The following BRAF variants were observed in gnomAD, a reference collection of about 807,000 sequenced individuals.
The protein encoded by BRAF is B-Raf proto-oncogene, serine/threonine kinase, also known as serine/threonine-protein kinase B-raf.
BRAF carries 16 observed loss-of-function variants against 104.6 expected under a neutral mutation model. The observed-to-expected ratio is 0.15, with a 90% CI of 0.10 to 0.23. The LOEUF is 0.23. Among genes scored for constraint, BRAF ranks in the 10% least tolerant of loss-of-function variants. BRAF has a pLI of 1.00. For synonymous variants in BRAF, 310 were observed against 341.6 expected (o/e 0.91, Z 1.02); for missense variants, 541 against 937.3 (o/e 0.58, Z 5.52).
At chr7:140,819,491 G>A (rs1159525468) in intron 3 of BRAF, among the ~76,000 whole-genome samples, 2 of 152,142 alleles carry the variant, frequency 1.3e-5, no homozygotes. Flanking sequence ...GGTTACTAGA[G>A]GCACAAATGA....
At chr7:140,804,572 C>A (rs1400072101) in intron 5 of BRAF, among the ~76,000 whole-genome samples, 3 of 152,062 alleles carry the variant, frequency 2.0e-5, no homozygotes, top group Non-Finnish European at 4.4e-5. Flanking sequence ...AGCTGCCCAC[C>A]TTAGCCTCCC....
Position 140,810,752 on chromosome 7 carries a change from A to G in BRAF, c.505-1757T>C, listed in dbSNP as rs1187057171. Among the ~76,000 whole-genome samples the G allele has an allele frequency of 3.3e-5, 5 of 152,194 alleles. No homozygotes were observed. In the East Asian group the frequency reaches 9.6e-4, roughly 29 times the overall value. The stretch of plus-strand genomic sequence containing the variant: ...AAATTTATTTGTAACTCTAAAGTCA[A>G]TACTCTTAGTGCTTTCATAGACATG... On this transcript the variant is annotated intron_variant, in intron 3 of 19. Coordinates refer to ENST00000644969, the MANE Select transcript of BRAF (RefSeq NM_001374258.1).
At chr7:140,851,165 T>C (rs1013382425) in intron 1 of BRAF, among the ~76,000 whole-genome samples, 2 of 152,174 alleles carry the variant, frequency 1.3e-5, no homozygotes, top group Non-Finnish European at 2.9e-5. Flanking sequence ...CATATATTAG[T>C]ATATCTGTTT....
At chr7:140,869,287 CTTAA>C (rs1811305165) in intron 1 of BRAF, among the ~76,000 whole-genome samples, 2 of 152,100 alleles carry the variant, frequency 1.3e-5, no homozygotes, top group African/African-American at 4.8e-5. Context: ...CCATCCCCTT[CTTAA>C]CATCTTTGAA....
intron 2 of BRAF, chr7:140,835,825 C>G: frequency 6.6e-6 from 1 of 152,272 alleles, no homozygotes; most frequent in South Asian, 2.1e-4. Context: ...CTATTTCTAC[C>G]TACCATCTCA....
chr7:140,762,603 GTTTTTTT>G (rs774057622), intron 14 of BRAF, among the ~76,000 whole-genome samples: 2 of 96,210 alleles, frequency 2.1e-5, no homozygotes, highest in African/African-American at 3.5e-5. Context: ...TCCAGGAGCT[GTTTTTTT>G]TTTTTTTTTT....
intron 14 of BRAF, among the ~76,000 whole-genome samples, chr7:140,772,290 A>AACG (rs2129015325): frequency 6.6e-6 from 1 of 151,496 alleles, no homozygotes; most frequent in African/African-American, 2.4e-5. Context: ...CAACAACAAC[A>AACG]ACAACAACAA....
At chr7:140,807,599 C>A (rs1459448394) in intron 5 of BRAF, among the ~76,000 whole-genome samples, 5 of 152,026 alleles carry the variant, frequency 3.3e-5, no homozygotes, top group Non-Finnish European at 7.4e-5. Context: ...CTTACAGGTA[C>A]AAGCACACGT....
At position 140,719,625 on chromosome 7, in the gene BRAF, A is replaced by G. The variant is rs1444425255; in HGVS notation, c.*6869T>C. 2.8e-6 allele frequency: 3 copies of G among 1,063,282 alleles called. No individual in the cohort carries two copies. In the South Asian group the frequency reaches 1.4e-4, roughly 48 times the overall value. 65.9% of individuals were successfully genotyped at this position (1,063,282 alleles called of 1,614,324 possible). On this transcript the variant is annotated 3_prime_UTR_variant, in exon 20 of 20. Transcript: ENST00000644969. The stretch of plus-strand genomic sequence containing the variant: ...AGTGGGTATGGGGGAGAATTAAAAA[A>G]AATAATAAAAGATTCAAGCAAACAT...
Position 140,898,783 on chromosome 7 carries a change from T to C in BRAF, c.138+25783A>G, listed in dbSNP as rs533400976. On this transcript the variant is annotated intron_variant, in intron 1 of 19. Coordinates refer to ENST00000644969, the MANE Select transcript of BRAF (RefSeq NM_001374258.1). ...ATTTTTCTTATAATTCTAGTATCTC[T>C]ACTTATAATTCTAGTACCTATATTT... 8.7e-4 allele frequency among the ~76,000 whole-genome samples: 133 copies of C among 152,336 alleles called. 1 individual carries two copies. The highest frequency in any genetic ancestry group is 3.1e-3 in the African/African-American group (129 of 41,576).
chr7:140,798,559 CTTTTTTT>C (rs1033928919), intron 7 of BRAF, among the ~76,000 whole-genome samples: 1 of 125,344 alleles, frequency 8.0e-6, no homozygotes, highest in Non-Finnish European at 1.7e-5. Flanking sequence ...CGCGCCCGGC[CTTTTTTT>C]TTTTTTTTTT....
rs377522944 is a variant in BRAF, at chr7:140,823,017, T to A, written c.504+11592A>T. ...AAAAATTTTTTTTGTAGACATGGGG[T>A]CTCACTATGTTGCCCTGGCTGGTAT... On this transcript the variant is annotated intron_variant, in intron 3 of 19. Coordinates refer to ENST00000644969, the MANE Select transcript of BRAF (RefSeq NM_001374258.1). Among the ~76,000 whole-genome samples, 11 of 152,214 alleles carry A rather than the reference T, an allele frequency of 7.2e-5. No individual in the cohort carries two copies. In the East Asian group the frequency reaches 9.7e-4, roughly 13 times the overall value.
In BRAF at chr7:140,913,744, AG is replaced by A. The variant is rs551918375; in HGVS notation, c.138+10821del. Among the ~76,000 whole-genome samples the A allele has an allele frequency of 1.1e-4, 16 of 152,170 alleles. No homozygotes were observed. The South Asian group carries it at 1.5e-3, about 14-fold the overall frequency. ...TGATCCACCCGCCAGGGCCTTTCAA[AG>A]TGCTGGGATTACAGGCGTGAGCCAC... is the stretch of plus-strand genomic sequence containing the variant. On this transcript the variant is annotated intron_variant, in intron 1 of 19. Coordinates refer to ENST00000644969, the MANE Select transcript of BRAF (RefSeq NM_001374258.1).
chr7:140,870,956 G>C (rs1000121890), intron 1 of BRAF, among the ~76,000 whole-genome samples: 1 of 151,738 alleles, frequency 6.6e-6, no homozygotes, highest in Non-Finnish European at 1.5e-5. Flanking sequence ...GGCTGGGCGC[G>C]GTGGCTCACG....
intron 19 of BRAF, chr7:140,731,577 G>A (rs1317356337): frequency 6.6e-6 from 1 of 151,994 alleles, no homozygotes; most frequent in African/African-American, 2.4e-5. Flanking sequence ...CATTTAAGCT[G>A]GTATATTAAA....
At chr7:140,791,428 A>G (rs901470741) in intron 8 of BRAF, among the ~76,000 whole-genome samples, 5 of 152,280 alleles carry the variant, frequency 3.3e-5, no homozygotes, top group Middle Eastern at 3.4e-3. Flanking sequence ...GTTCTTAGTT[A>G]TCTGGGGCTA....
chr7:140,776,180 T>G (rs1800322040), intron 14 of BRAF, among the ~76,000 whole-genome samples: 1 of 152,214 alleles, frequency 6.6e-6, no homozygotes, highest in Admixed American at 6.5e-5. Context: ...ATAATCTATG[T>G]AAGTGAAAGC....
At chr7:140,804,810 C>CTTTTCTT (rs1803493540) in intron 5 of BRAF, among the ~76,000 whole-genome samples, 1 of 148,490 alleles carries the variant, frequency 6.7e-6, no homozygotes, top group Admixed American at 6.6e-5. Flanking sequence ...TTTTCTTTTT[C>CTTTTCTT]TTTTCTTTTT....
chr7:140,867,305 G>A (rs1811075381), intron 1 of BRAF, among the ~76,000 whole-genome samples: 1 of 152,128 alleles, frequency 6.6e-6, no homozygotes, highest in Non-Finnish European at 1.5e-5. Context: ...TCCATCATTA[G>A]GTATTCTAAT....
Sources: gnomAD v4.1 joint callset for allele counts (sites outside exome capture counted in the v4.1 genomes callset) on GRCh38, gnomAD v4.1.1 for gene constraint, MANE v1.5 for transcripts, NCBI Gene and HGNC (gene_info 2026-07-23, HGNC 2026-07-21) for gene names.